FIBCD1: variants seen among roughly 807,000 people sequenced by gnomAD.
FIBCD1 encodes the protein fibrinogen C domain containing 1.
FIBCD1 carries 47 observed loss-of-function variants against 45.1 expected under a neutral mutation model. The ratio of observed to expected loss-of-function variants is 1.04; its 90% CI spans 0.82 to 1.33. FIBCD1 has a LOEUF of 1.33. Among genes scored for constraint, FIBCD1 ranks in the 40% most tolerant of loss-of-function variants. The pLI, the probability that FIBCD1 is intolerant of heterozygous loss-of-function variation, is 0.00. For missense variants in FIBCD1, 653 were observed against 682.2 expected (o/e 0.96, Z 0.48); for synonymous variants, 313 against 308.1 (o/e 1.02, Z -0.17).
intron 4 of FIBCD1, 73 bp from the exon 5 acceptor site, chr9:130,911,961 C>T (rs7035155): frequency 0.085 from 114,758 of 1,350,364 alleles, 9,316 homozygotes; most frequent in African/African-American, 0.42. Context: ...GGGCCCACCC[C>T]GCCCAGAGAC....
chr9:130,908,610 C>G (rs1471311582), intron 5 of FIBCD1, among the ~76,000 whole-genome samples: 1 of 152,232 alleles, frequency 6.6e-6, no homozygotes, highest in Non-Finnish European at 1.5e-5. Flanking sequence ...CAAGGGACCT[C>G]CCTTTCCTAA....
chr9:130,924,459 T>C (rs771845696), intron 2 of FIBCD1, 63 bp from the exon 3 acceptor site: 25 of 1,477,992 alleles, frequency 1.7e-5, no homozygotes, highest in Middle Eastern at 2.3e-4. Flanking sequence ...GTGGCGCACA[T>C]AGCAGGTCAC....
intron 6 of FIBCD1, 40 bp from the exon 7 acceptor site, chr9:130,904,363 G>A (rs767555764): frequency 8.3e-6 from 13 of 1,563,776 alleles, no homozygotes; most frequent in African/African-American, 5.4e-5. Flanking sequence ...CGGGGGGCAC[G>A]GGTACACCCA....
In FIBCD1 at chr9:130,929,574, A is replaced by G; in HGVS notation, c.545T>C (p.Leu182Pro). Residue 182 changes from leucine to proline, a missense_variant, in exon 2 of 7, where the codon CTC becomes CCC. Coordinates refer to ENST00000372338, the MANE Select transcript of FIBCD1 (RefSeq NM_032843.5). Reference protein sequence around the residue: ...LSALQSEQGRLIQLLSESQGH... With the variant: ...LSALQSEQGRPIQLLSESQGH... ...TGCAGACCCCAGCCCTACCTGGATGAGGCGGCCCTGCTCACTCTGCAGGGC... is the reference window on the plus strand; with the variant it reads ...TGCAGACCCCAGCCCTACCTGGATGGGGCGGCCCTGCTCACTCTGCAGGGC... 1 of 1,503,970 alleles carries G rather than the reference A, an allele frequency of 6.6e-7. No individual in the cohort carries two copies. Among genetic ancestry groups the G allele is most frequent in the Non-Finnish European group, 8.9e-7 (1 of 1,129,014 alleles). The allele number at this position is 1,503,970 out of a possible 1,614,324, so 93.2% of individuals were successfully genotyped here. A position where few individuals can be genotyped will look rare whatever the true frequency, so the allele number is the denominator to read the frequency against.
At chr9:130,904,954 G>A (rs1158405941) in intron 6 of FIBCD1, among the ~76,000 whole-genome samples, 1 of 152,222 alleles carries the variant, frequency 6.6e-6, no homozygotes, top group Non-Finnish European at 1.5e-5. Flanking sequence ...GACAAGGACT[G>A]AGGGATCCTT....
intron 3 of FIBCD1, 21 bp downstream of exon 3, chr9:130,924,216 G>A: frequency 1.9e-6 from 3 of 1,552,342 alleles, no homozygotes; most frequent in South Asian, 2.4e-5. Flanking sequence ...ACCGGAGGAA[G>A]GCAGGCCCTG....
intron 4 of FIBCD1, among the ~76,000 whole-genome samples, chr9:130,918,081 C>T (rs1588108296): frequency 6.6e-6 from 1 of 152,344 alleles, no homozygotes; most frequent in Admixed American, 6.5e-5. Context: ...AGCCATAGGG[C>T]AGAGCAGCTC....
chr9:130,911,683 G>T, intron 5 of FIBCD1, 109 bp downstream of exon 5: 2 of 939,892 alleles, frequency 2.1e-6, no homozygotes. Context: ...GTGTGCCGAG[G>T]CCAGGGAAAC....
intron 5 of FIBCD1, among the ~76,000 whole-genome samples, chr9:130,907,207 G>A (rs1831944006): frequency 6.8e-6 from 1 of 147,612 alleles, no homozygotes; most frequent in African/African-American, 2.5e-5. Context: ...CCTCTGGGTT[G>A]AGTGACAATT....
In FIBCD1 at chr9:130,903,974, C is replaced by A; in HGVS notation, c.*90G>T. On this transcript the variant is annotated 3_prime_UTR_variant, in exon 7 of 7. Transcript: ENST00000372338. ...TACTGGAGAGTGGGTCCGCCAGGCA[C>A]AGGTGGGTGGAGAACATTCACGAAA... 6.6e-7 allele frequency: 1 copy of A among 1,526,608 alleles called. No individual in the cohort carries two copies. The highest frequency in any genetic ancestry group is 1.2e-5 in the South Asian group (1 of 83,460). 94.6% of individuals were successfully genotyped at this position (1,526,608 alleles called of 1,614,324 possible).
intron 4 of FIBCD1, among the ~76,000 whole-genome samples, chr9:130,919,257 C>G (rs1034943639): frequency 2.0e-5 from 3 of 152,106 alleles, no homozygotes; most frequent in African/African-American, 7.3e-5. Flanking sequence ...GTGTTGTCCC[C>G]GGTCACCGGT....
At chr9:130,934,389 C>T (rs1832487639) in intron 1 of FIBCD1, among the ~76,000 whole-genome samples, 1 of 152,182 alleles carries the variant, frequency 6.6e-6, no homozygotes, top group Admixed American at 6.5e-5. Flanking sequence ...AACCGCCATA[C>T]CGCTGGGGAC....
intron 5 of FIBCD1, 49 bp downstream of exon 5, chr9:130,911,743 G>A (rs1020793575): frequency 3.3e-6 from 5 of 1,520,432 alleles, no homozygotes; most frequent in East Asian, 4.8e-5. Flanking sequence ...GTGTCCGGAA[G>A]GCAGGGGGAG....
At position 130,929,552 on chromosome 9, in the gene FIBCD1, A is replaced by G; in HGVS notation, c.552+15T>C. The G allele has an allele frequency of 6.7e-7, 1 of 1,494,504 alleles. No individual in the cohort carries two copies. Among genetic ancestry groups the G allele is most frequent in the Non-Finnish European group, 8.9e-7 (1 of 1,125,186 alleles). The allele number at this position is 1,494,504 out of a possible 1,614,324, so 92.6% of individuals were successfully genotyped here. A position where few individuals can be genotyped will look rare whatever the true frequency, so the allele number is the denominator to read the frequency against. ...CGCCTCCAGCAAGACCCCAAGATGC[A>G]GACCCCAGCCCTACCTGGATGAGGC... On this transcript the variant is annotated intron_variant, in intron 2 of 6. Coordinates refer to ENST00000372338, the MANE Select transcript of FIBCD1 (RefSeq NM_032843.5).
rs560141336 is a variant in FIBCD1, at chr9:130,903,531, G to A, written c.*533C>T. 7 of 194,922 alleles carry A rather than the reference G, an allele frequency of 3.6e-5. No homozygotes were observed. In the South Asian group the frequency reaches 5.7e-4, roughly 16 times the overall value. 12.1% of individuals were successfully genotyped at this position (194,922 alleles called of 1,614,324 possible). ...GCCCACAGCCAGGCTGAGGCCCTTG[G>A]GGGAGAGGTGGGTTCTCTGGGCACC... On this transcript the variant is annotated 3_prime_UTR_variant, in exon 7 of 7. Coordinates refer to ENST00000372338, the MANE Select transcript of FIBCD1 (RefSeq NM_032843.5).
intron 5 of FIBCD1, among the ~76,000 whole-genome samples, chr9:130,909,039 C>T (rs1209629386): frequency 6.6e-6 from 1 of 152,138 alleles, no homozygotes; most frequent in Non-Finnish European, 1.5e-5. Flanking sequence ...CCTGCGCTCT[C>T]AGCCTCTCAG....
chr9:130,909,713 G>C (rs552970607), intron 5 of FIBCD1, among the ~76,000 whole-genome samples: 1 of 151,020 alleles, frequency 6.6e-6, no homozygotes, highest in African/African-American at 2.4e-5. Context: ...GTTTTGTTTA[G>C]ATAAATGAAG....
chr9:130,937,469 G>C (rs1832535906), intron 1 of FIBCD1, among the ~76,000 whole-genome samples: 1 of 152,202 alleles, frequency 6.6e-6, no homozygotes, highest in Non-Finnish European at 1.5e-5. Context: ...AAACCGCAGA[G>C]GGCTGGGCCC....
chr9:130,938,287 T>TGCGGGGAC (rs1832551611), intron 1 of FIBCD1: 4 of 407,618 alleles, frequency 9.8e-6, no homozygotes, highest in Middle Eastern at 1.3e-3. Flanking sequence ...CTGCTGGGGG[T>TGCGGGGAC]GCGGGGACGC....
Sources: allele counts gnomAD v4.1 joint callset (sites outside exome capture counted in the v4.1 genomes callset), GRCh38; gene constraint gnomAD v4.1.1; transcripts MANE v1.5; gene names NCBI Gene and HGNC (gene_info 2026-07-23, HGNC 2026-07-21).